ZCWPW1: variants seen among roughly 807,000 people sequenced by gnomAD.
The protein encoded by ZCWPW1 is zinc finger CW-type and PWWP domain containing 1, also known as zinc finger CW-type PWWP domain protein 1.
A neutral mutation model predicts 81.3 loss-of-function variants in ZCWPW1; 56 were observed. The ratio of observed to expected loss-of-function variants is 0.69; its 90% CI spans 0.56 to 0.86. ZCWPW1 has a LOEUF of 0.86. Among genes scored for constraint, ZCWPW1 ranks in the 40% least tolerant of loss-of-function variants. The pLI is 0.00. For missense variants in ZCWPW1, 650 were observed against 769.8 expected (o/e 0.84, Z 1.84); for synonymous variants, 250 against 273.7 (o/e 0.91, Z 0.86).
chr7:100,427,986 C>T (rs1194710433), intron 1 of ZCWPW1, among the ~76,000 whole-genome samples: 1 of 151,806 alleles, frequency 6.6e-6, no homozygotes, highest in African/African-American at 2.4e-5. Context: ...CGTTGGTGCC[C>T]GCCAGGAGAC....
At chr7:100,423,606 G>A (rs1444640156) in intron 2 of ZCWPW1, among the ~76,000 whole-genome samples, 2 of 152,086 alleles carry the variant, frequency 1.3e-5, no homozygotes, top group South Asian at 2.1e-4. Context: ...CTAAAGCAAC[G>A]ACGTTTCCTT....
Position 100,417,140 on chromosome 7 carries a change from C to T in ZCWPW1, c.405G>A (p.Gln135=). The change falls in exon 6 of 18, where the codon CAG becomes CAA. Residue 135 remains glutamine, a synonymous_variant. Transcript: ENST00000684423. ...TGTCTGATTGGGTAGATACTACGGG[C>T]TGGGCACAAGAAGTCTCTGCAAAAT... The part of the protein sequence containing the change: ...GLDFAETSCA[Q]PVVSTQSDKE... 1.9e-6 allele frequency: 3 copies of T among 1,613,952 alleles called. No individual in the cohort carries two copies. The highest frequency in any genetic ancestry group is 2.5e-6 in the Non-Finnish European group (3 of 1,179,986).
At chr7:100,409,786 T>A (rs1360901679) in intron 8 of ZCWPW1, among the ~76,000 whole-genome samples, 1 of 152,188 alleles carries the variant, frequency 6.6e-6, no homozygotes, top group African/African-American at 2.4e-5. Context: ...CATGCCTTGA[T>A]CTTTTTCCTG....
In ZCWPW1 at chr7:100,400,924, C is replaced by A. The variant is rs576037279; in HGVS notation, c.*90G>T. The A allele has an allele frequency of 8.1e-6, 11 of 1,365,668 alleles. No homozygotes were observed. In the East Asian group the frequency reaches 1.0e-4, roughly 12 times the overall value. The allele number at this position is 1,365,668 out of a possible 1,614,324, so 84.6% of individuals were successfully genotyped here. ...GAAACTGCACCACACACATTTGAAC[C>A]TCATAGCCAATGAACAGACCCAGCA... On this transcript the variant is annotated 3_prime_UTR_variant, in exon 18 of 18. Transcript: ENST00000684423.
At chr7:100,422,027 T>C (rs1584287017) in intron 2 of ZCWPW1, among the ~76,000 whole-genome samples, 1 of 152,236 alleles carries the variant, frequency 6.6e-6, no homozygotes, top group Admixed American at 6.5e-5. Context: ...AATGACACTG[T>C]GACTAATGGT....
chr7:100,412,590 T>A lies in ZCWPW1; in HGVS notation c.755-3046A>T, dbSNP rs146673947. Among the ~76,000 whole-genome samples the A allele has an allele frequency of 4.1e-3, 618 of 152,304 alleles. 5 individuals are homozygous for A. Among genetic ancestry groups the A allele is most frequent in the African/African-American group, 0.014 (589 of 41,560 alleles). ...TAATCCATTTTATTTTTTTTTTATTTATTTTTTTTGAGACGGAGTCTCGCT... is the reference window on the plus strand; with the variant it reads ...TAATCCATTTTATTTTTTTTTTATTAATTTTTTTTGAGACGGAGTCTCGCT... On this transcript the variant is annotated intron_variant, in intron 8 of 17. Coordinates refer to ENST00000684423, the MANE Select transcript of ZCWPW1 (RefSeq NM_001386010.1).
chr7:100,425,473 A>T (rs1252006349), intron 1 of ZCWPW1, among the ~76,000 whole-genome samples: 1 of 152,252 alleles, frequency 6.6e-6, no homozygotes, highest in African/African-American at 2.4e-5. Flanking sequence ...AAGGTGAATG[A>T]GGATCTCAAA....
At position 100,415,420 on chromosome 7, in the gene ZCWPW1, C is replaced by T. The variant is rs78443238; in HGVS notation, c.754+555G>A. 2.9e-3 allele frequency among the ~76,000 whole-genome samples: 445 copies of T among 152,134 alleles called. 3 individuals carry two copies. Among genetic ancestry groups the T allele is most frequent in the African/African-American group, 0.01 (420 of 41,520 alleles). ...TCTACCATTTTCTCCCTCTTACTTT[C>T]CCTATCTAAACTAATTGAAAAAGTG... On this transcript the variant is annotated intron_variant, in intron 8 of 17. Coordinates refer to ENST00000684423, the MANE Select transcript of ZCWPW1 (RefSeq NM_001386010.1).
In ZCWPW1 at chr7:100,406,781, C is replaced by T. The variant is rs757536331; in HGVS notation, c.1086G>A (p.Thr362=). The change falls in exon 12 of 18, where the codon ACG becomes ACA. Residue 362 remains threonine, a synonymous_variant. Coordinates refer to ENST00000684423, the MANE Select transcript of ZCWPW1 (RefSeq NM_001386010.1). The part of the protein sequence containing the change: ...LDSLPSKYHV[T]FFGETVSRAW... Reference sequence around the variant, plus strand: ...CACGAGAAACTGTTTCTCCAAAAAACGTCACATGGTACTTAGACTGAAATA... The same window carrying T: ...CACGAGAAACTGTTTCTCCAAAAAATGTCACATGGTACTTAGACTGAAATA... 4.5e-5 allele frequency: 73 copies of T among 1,613,992 alleles called. No homozygotes were observed. Among genetic ancestry groups the T allele is most frequent in the Non-Finnish European group, 5.7e-5 (67 of 1,180,010 alleles).
intron 4 of ZCWPW1, 44 bp from the exon 5 acceptor site, chr7:100,419,233 T>C (rs753545137): frequency 7.7e-6 from 12 of 1,561,952 alleles, no homozygotes; most frequent in East Asian, 4.5e-5. Flanking sequence ...TATCTTTCCA[T>C]AGTTTTCCCC....
chr7:100,414,542 A>C (rs1794817203), intron 8 of ZCWPW1, among the ~76,000 whole-genome samples: 1 of 152,020 alleles, frequency 6.6e-6, no homozygotes, highest in Non-Finnish European at 1.5e-5. Context: ...CAGCCTCTTG[A>C]ACAGCTAGGA....
At chr7:100,411,748 G>A (rs1398573999) in intron 8 of ZCWPW1, among the ~76,000 whole-genome samples, 1 of 152,128 alleles carries the variant, frequency 6.6e-6, no homozygotes, top group African/African-American at 2.4e-5. Context: ...AATACAAATT[G>A]TTAGCTGTGA....
intron 10 of ZCWPW1, among the ~76,000 whole-genome samples, chr7:100,408,254 C>T (rs943056222): frequency 6.6e-6 from 1 of 152,092 alleles, no homozygotes; most frequent in Non-Finnish European, 1.5e-5. Flanking sequence ...CCTGGCCAAT[C>T]TCAATATTTT....
intron 8 of ZCWPW1, among the ~76,000 whole-genome samples, chr7:100,409,849 T>C (rs766715461): frequency 4.6e-5 from 7 of 152,226 alleles, no homozygotes; most frequent in Non-Finnish European, 1.0e-4. Flanking sequence ...GTTTCTTGTA[T>C]TGACAGTTCT....
rs1563146522 is a variant in ZCWPW1 at position 100,419,890 on chromosome 7, G to C, written c.29-7C>G. On this transcript the variant is annotated splice_polypyrimidine_tract_variant and splice_region_variant and intron_variant, in intron 3 of 17. Transcript: ENST00000684423. ...TTTGGTCCCTTTCCACATTCTGAAA[G>C]AAATGTGATCAAGTGGAATTTATGA... 6.4e-7 allele frequency: 1 copy of C among 1,557,348 alleles called. No homozygotes were observed. The highest frequency in any genetic ancestry group is 2.3e-5 in the East Asian group (1 of 44,434).
chr7:100,409,672 G>C, intron 8 of ZCWPW1, 128 bp from the exon 9 acceptor site: 1 of 650,802 alleles, frequency 1.5e-6, no homozygotes, highest in Non-Finnish European at 2.6e-6. Context: ...AGATCAACCA[G>C]CCCGATCCCT....
At position 100,416,323 on chromosome 7, in the gene ZCWPW1, T is replaced by G. The variant is rs1199944912; in HGVS notation, c.613A>C (p.Lys205Gln). ...KKKSNRLTLSKRKKEAQDEKV... is the reference protein window; with the variant it reads ...KKKSNRLTLSQRKKEAQDEKV... ...TACTTACGAGCTTCCTTCTTTCTTTTGCTTAAGGTGAGTCTATTGGATTTC... is the reference window on the plus strand; with the variant it reads ...TACTTACGAGCTTCCTTCTTTCTTTGGCTTAAGGTGAGTCTATTGGATTTC... Residue 205 changes from lysine to glutamine, a missense_variant, in exon 7 of 18, where the codon AAA (lysine) becomes CAA (glutamine). Physicochemically the swap from Lys to Gln is moderately conservative, Grantham distance 53 (BLOSUM62 1). Coordinates refer to ENST00000684423, the MANE Select transcript of ZCWPW1 (RefSeq NM_001386010.1). 6.2e-7 allele frequency: 1 copy of G among 1,614,120 alleles called. No individual in the cohort carries two copies. Among genetic ancestry groups the G allele is most frequent in the Non-Finnish European group, 8.5e-7 (1 of 1,180,018 alleles).
intron 5 of ZCWPW1, 132 bp downstream of exon 5, chr7:100,418,979 G>A: frequency 2.9e-6 from 2 of 680,810 alleles, no homozygotes. Context: ...TTTAAAATAT[G>A]TTGAAGTCTC....
At position 100,402,561 on chromosome 7, in the gene ZCWPW1, T is replaced by C. The variant is rs756471080; in HGVS notation, c.1429A>G (p.Ile477Val). 1.2e-6 allele frequency: 2 copies of C among 1,614,118 alleles called. No individual in the cohort carries two copies. The highest frequency in any genetic ancestry group is 4.5e-5 in the East Asian group (2 of 44,872). The change falls in exon 16 of 18, where the codon ATT (isoleucine) becomes GTT (valine). Residue 477 changes from isoleucine (I) to valine (V), a missense_variant. By Grantham distance (29) the Ile-to-Val change is conservative (BLOSUM62 3). Coordinates refer to ENST00000684423, the MANE Select transcript of ZCWPW1 (RefSeq NM_001386010.1). Reference sequence around the variant, plus strand: ...GTCTGTATTTTGACTCGCTTACGAATGGGCAAAATTGGGTCCTGAGGATGG... The same window carrying C: ...GTCTGTATTTTGACTCGCTTACGAACGGGCAAAATTGGGTCCTGAGGATGG... Reference protein sequence around the residue: ...EGEKTDPILPIRKRVKIQTQK... With the variant: ...EGEKTDPILPVRKRVKIQTQK...
Sources: allele counts gnomAD v4.1 joint callset (sites outside exome capture counted in the v4.1 genomes callset), GRCh38; gene constraint gnomAD v4.1.1; transcripts MANE v1.5; gene names NCBI Gene and HGNC (gene_info 2026-07-23, HGNC 2026-07-21).